The following PTPRJ variants were observed in gnomAD, a reference collection of about 807,000 sequenced individuals.
PTPRJ encodes protein tyrosine phosphatase receptor type J.
In PTPRJ, 129 loss-of-function variants were observed where a neutral mutation model predicts 141.3. That is an observed-to-expected ratio of 0.91 (90% CI 0.79 to 1.06). The LOEUF (loss-of-function observed/expected upper bound fraction) is 1.06. Among genes scored for constraint, PTPRJ ranks in the 50% least tolerant of loss-of-function variants. The pLI is 0.00. For synonymous variants in PTPRJ, 610 were observed against 640.5 expected, an observed-to-expected ratio of 0.95 and a Z score of 0.72; for missense variants, 1,601 against 1,679.7, an observed-to-expected ratio of 0.95 and a Z score of 0.82.
intron 1 of PTPRJ, among the ~76,000 whole-genome samples, chr11:48,087,176 G>A (rs959286111): frequency 9.2e-5 from 14 of 152,302 alleles, no homozygotes; most frequent in Non-Finnish European, 5.9e-5. Context: ...GATTAGTATG[G>A]TTGGAAATGC....
chr11:48,027,650 G>C (rs1853855280), intron 1 of PTPRJ, among the ~76,000 whole-genome samples: 1 of 151,750 alleles, frequency 6.6e-6, no homozygotes, highest in African/African-American at 2.4e-5. Flanking sequence ...AAATTAGCTG[G>C]GCATGGTGGC....
rs193118253 is a variant in PTPRJ at position 48,054,400 on chromosome 11, T to A, written c.97-55658T>A. Among the ~76,000 whole-genome samples, 17 of 152,318 alleles carry A rather than the reference T, an allele frequency of 1.1e-4. No individual in the cohort carries two copies. In the East Asian group the frequency reaches 3.3e-3, roughly 29 times the overall value. ...ACTCTATGAAGGAGAGGTCATCTTGTCTATGTTTGTAAGAAGTCACATTGA... is the reference window on the plus strand; with the variant it reads ...ACTCTATGAAGGAGAGGTCATCTTGACTATGTTTGTAAGAAGTCACATTGA... On this transcript the variant is annotated intron_variant, in intron 1 of 24. Transcript: ENST00000418331.
In PTPRJ at chr11:47,980,741, C is replaced by CGCT. The variant is rs1304370031; in HGVS notation, c.-169_-167dup. ...GGCGTGTGGCCGCGGCCGCCGCCGC[C>CGCT]GCTGCCATGTCTCCGGGGAAGCCCG... On this transcript the variant is annotated 5_prime_UTR_variant, in exon 1 of 25. Coordinates refer to ENST00000418331, the MANE Select transcript of PTPRJ (RefSeq NM_002843.4). 2 of 1,010,970 alleles carry CGCT rather than the reference C, an allele frequency of 2.0e-6. No individual in the cohort carries two copies. The highest frequency in any genetic ancestry group is 3.5e-5 in the African/African-American group (2 of 57,320). 62.6% of individuals were successfully genotyped at this position (1,010,970 alleles called of 1,614,324 possible).
At chr11:47,990,823 C>T (rs1001651718) in intron 1 of PTPRJ, among the ~76,000 whole-genome samples, 3 of 151,298 alleles carry the variant, frequency 2.0e-5, no homozygotes, top group African/African-American at 7.3e-5. Context: ...GGACTATAGG[C>T]GCCCGCCACT....
intron 1 of PTPRJ, among the ~76,000 whole-genome samples, chr11:48,008,590 G>A (rs1156978695): frequency 7.0e-6 from 1 of 142,756 alleles, no homozygotes; most frequent in East Asian, 2.2e-4. Flanking sequence ...TTGAGTTGAA[G>A]TTTTGCTCTT....
chr11:48,145,242 TCTCC>T, intron 14 of PTPRJ, 118 bp downstream of exon 14: 1 of 1,394,900 alleles, frequency 7.2e-7, no homozygotes, highest in Non-Finnish European at 9.9e-7. Flanking sequence ...TGTGCCCAGC[TCTCC>T]CCTCCCAGAG....
intron 21 of PTPRJ, among the ~76,000 whole-genome samples, chr11:48,159,598 GA>G (rs1401725080): frequency 6.6e-6 from 1 of 152,248 alleles, no homozygotes; most frequent in East Asian, 1.9e-4. Context: ...ATTAAAAAAA[GA>G]AAAAACAATT....
intron 22 of PTPRJ, among the ~76,000 whole-genome samples, chr11:48,162,436 C>T (rs1857808811): frequency 6.6e-6 from 1 of 151,668 alleles, no homozygotes; most frequent in Non-Finnish European, 1.5e-5. Flanking sequence ...CCCCCACCTC[C>T]ATCTCTCACA....
chr11:47,983,762 C>G (rs1853974248), intron 1 of PTPRJ, among the ~76,000 whole-genome samples: 1 of 151,798 alleles, frequency 6.6e-6, no homozygotes, highest in African/African-American at 2.4e-5. Context: ...CTGACAGGTT[C>G]TTTAAGAAAT....
chr11:47,986,020 C>T (rs1190529369), intron 1 of PTPRJ, among the ~76,000 whole-genome samples: 1 of 152,104 alleles, frequency 6.6e-6, no homozygotes, highest in Non-Finnish European at 1.5e-5. Flanking sequence ...TTTAGACAGT[C>T]TTGCTGTGTT....
intron 3 of PTPRJ, among the ~76,000 whole-genome samples, chr11:48,118,182 A>C (rs1856615128): frequency 6.6e-6 from 1 of 152,230 alleles, no homozygotes. Context: ...TCCTGGGCTG[A>C]AATGATCCTT....
At chr11:48,095,286 A>G (rs974826533) in intron 1 of PTPRJ, among the ~76,000 whole-genome samples, 10 of 152,236 alleles carry the variant, frequency 6.6e-5, no homozygotes, top group African/African-American at 1.4e-4. Flanking sequence ...GCAAAGAAAG[A>G]TGGACTGGAC....
chr11:47,990,789 C>T (rs1854172333), intron 1 of PTPRJ, among the ~76,000 whole-genome samples: 3 of 150,920 alleles, frequency 2.0e-5, no homozygotes, highest in Middle Eastern at 3.4e-3. Flanking sequence ...GGGTTCACGC[C>T]GTTCTCCTGC....
chr11:48,031,559 G>A (rs746995338), intron 1 of PTPRJ, among the ~76,000 whole-genome samples: 1 of 152,188 alleles, frequency 6.6e-6, no homozygotes, highest in Non-Finnish European at 1.5e-5. Context: ...AAATGGGGTG[G>A]GATCACATCG....
chr11:48,078,982 G>T (rs529467743), intron 1 of PTPRJ, among the ~76,000 whole-genome samples: 24 of 152,038 alleles, frequency 1.6e-4, no homozygotes, highest in Admixed American at 1.5e-3. Flanking sequence ...CAGACCCCAG[G>T]TGTAGACCAA....
chr11:48,135,475 CCTTT>C, intron 8 of PTPRJ, among the ~76,000 whole-genome samples: 1 of 107,626 alleles, frequency 9.3e-6, no homozygotes, highest in Non-Finnish European at 1.8e-5. Flanking sequence ...CCGCGCCTGG[CCTTT>C]TTTTTTTTTT....
intron 1 of PTPRJ, among the ~76,000 whole-genome samples, chr11:47,992,053 T>A (rs1362116356): frequency 2.0e-5 from 3 of 152,224 alleles, no homozygotes; most frequent in Non-Finnish European, 4.4e-5. Context: ...CTTGAGTTTG[T>A]CATTGTTATT....
chr11:48,019,195 G>T (rs547186094), intron 1 of PTPRJ, among the ~76,000 whole-genome samples: 15 of 152,088 alleles, frequency 9.9e-5, no homozygotes, highest in Admixed American at 5.9e-4. Context: ...CTCTGTTTAG[G>T]AACGTGGATG....
At chr11:48,004,314 T>C (rs1302563597) in intron 1 of PTPRJ, among the ~76,000 whole-genome samples, 1 of 152,210 alleles carries the variant, frequency 6.6e-6, no homozygotes, top group Non-Finnish European at 1.5e-5. Flanking sequence ...CCCTACCCTT[T>C]CTTCAACTTC....
Sources: gnomAD v4.1 joint callset for allele counts (sites outside exome capture counted in the v4.1 genomes callset) on GRCh38, gnomAD v4.1.1 for gene constraint, MANE v1.5 for transcripts, NCBI Gene and HGNC (gene_info 2026-07-23, HGNC 2026-07-21) for gene names.